The following PON2 variants were observed in gnomAD, a reference collection of about 807,000 sequenced individuals.
PON2 encodes the protein serum paraoxonase/arylesterase 2.
PON2 carries 27 observed loss-of-function variants against 36.6 expected under a neutral mutation model. The ratio of observed to expected loss-of-function variants is 0.74; its 90% CI spans 0.54 to 1.02. PON2 has a LOEUF of 1.02. PON2 is among the 50% of genes least tolerant of loss of function. The pLI is 0.00. For missense variants in PON2, 363 were observed against 421.1 expected, an observed-to-expected ratio of 0.86 and a Z score of 1.21; for synonymous variants, 149 against 156.3, an observed-to-expected ratio of 0.95 and a Z score of 0.35.
At chr7:95,430,734 T>C (rs1649429424) in intron 1 of PON2, among the ~76,000 whole-genome samples, 1 of 151,736 alleles carries the variant, frequency 6.6e-6, no homozygotes, top group African/African-American at 2.4e-5. Context: ...CACTCCAGCC[T>C]GGGTGACAGA....
chr7:95,417,480 A>C (rs1397834273), intron 2 of PON2, among the ~76,000 whole-genome samples: 2 of 152,126 alleles, frequency 1.3e-5, no homozygotes, highest in African/African-American at 4.8e-5. Flanking sequence ...TGCAATGCAA[A>C]ATGTCTCATG....
intron 1 of PON2, 33 bp from the exon 2 acceptor site, chr7:95,424,618 A>G: frequency 6.4e-7 from 1 of 1,560,646 alleles, no homozygotes; most frequent in Non-Finnish European, 8.8e-7. Context: ...AAAAACAAAA[A>G]ACTATTTGTT....
rs113783479 is a variant in PON2 at position 95,419,313 on chromosome 7, T to G, written c.146-3016A>C. Among the ~76,000 whole-genome samples the G allele has an allele frequency of 2.0e-5, 3 of 151,948 alleles. No individual in the cohort carries two copies. In the East Asian group the frequency reaches 5.8e-4, roughly 29 times the overall value. ...TTTTGGTAGCCAACACTCAGGGAAG[T>G]TGGGGGGGATCTGGGGAGGGTATCC... On this transcript the variant is annotated intron_variant, in intron 2 of 8. Coordinates refer to ENST00000222572, the MANE Select transcript of PON2 (RefSeq NM_000305.3).
chr7:95,416,370 C>A (rs972212519), intron 2 of PON2, 73 bp from the exon 3 acceptor site: 2 of 1,509,640 alleles, frequency 1.3e-6, no homozygotes, highest in African/African-American at 2.8e-5. Flanking sequence ...AACTGGGACT[C>A]TGTTTACTTT....
In PON2 at chr7:95,413,293, C is replaced by T. The variant is rs1788983675; in HGVS notation, c.202-816G>A. On this transcript the variant is annotated intron_variant, in intron 3 of 8. Coordinates refer to ENST00000222572, the MANE Select transcript of PON2 (RefSeq NM_000305.3). ...ATCAGCCTGGGCAATTGAGCCAGTC[C>T]CTGCTTCTCTAATGACAGTTTTGTC... 2.0e-5 allele frequency among the ~76,000 whole-genome samples: 3 copies of T among 152,032 alleles called. No homozygotes were observed. In the South Asian group the frequency reaches 6.2e-4, roughly 32 times the overall value.
intron 2 of PON2, among the ~76,000 whole-genome samples, chr7:95,417,704 C>CAG (rs2116479350): frequency 6.8e-6 from 1 of 147,208 alleles, no homozygotes; most frequent in Admixed American, 6.8e-5. Flanking sequence ...CACACACACA[C>CAG]ACACACACAC....
chr7:95,411,147 A>G (rs1788913073), intron 5 of PON2, among the ~76,000 whole-genome samples: 1 of 152,078 alleles, frequency 6.6e-6, no homozygotes, highest in Non-Finnish European at 1.5e-5. Flanking sequence ...GTAATGACTC[A>G]CTCTCAACTT....
chr7:95,412,502 A>C, intron 3 of PON2, 25 bp from the exon 4 acceptor site: 1 of 1,608,416 alleles, frequency 6.2e-7, no homozygotes, highest in Non-Finnish European at 8.5e-7. Context: ...GAAAAATGTT[A>C]AATACAAAAG....
chr7:95,419,225 C>T (rs1434559944), intron 2 of PON2, among the ~76,000 whole-genome samples: 1 of 152,262 alleles, frequency 6.6e-6, no homozygotes, highest in East Asian at 1.9e-4. Context: ...TTTAAGTCTA[C>T]CCCGTGTCAG....
chr7:95,412,661 C>G, intron 3 of PON2, 184 bp from the exon 4 acceptor site: 1 of 633,308 alleles, frequency 1.6e-6, no homozygotes, highest in East Asian at 2.8e-5. Flanking sequence ...ATACTGAAAG[C>G]CTGAAAATAA....
intron 6 of PON2, among the ~76,000 whole-genome samples, chr7:95,408,834 C>A (rs2116455320): frequency 6.6e-6 from 1 of 152,108 alleles, no homozygotes; most frequent in Non-Finnish European, 1.5e-5. Flanking sequence ...TTCTGGAGGA[C>A]AATTTGGCAA....
chr7:95,415,675 GGGCGTGGT>G (rs1260667816), intron 3 of PON2, among the ~76,000 whole-genome samples: 1 of 152,156 alleles, frequency 6.6e-6, no homozygotes, highest in Non-Finnish European at 1.5e-5. Flanking sequence ...AGATTGCGCT[GGGCGTGGT>G]GGCTCACTCC....
At chr7:95,424,026 G>C (rs1166376945) in intron 2 of PON2, 2 of 177,476 alleles carry the variant, frequency 1.1e-5, no homozygotes, top group East Asian at 3.0e-4. Context: ...AACACGTGGG[G>C]ATTATGGGAA....
rs183163750 is a variant in PON2, at chr7:95,431,667, G to A, written c.74+3211C>T. ...ACCCCTGACCTCTAGTGATCTGCCC[G>A]CCTCAGCCTCCCAAAGTGCTGGGAT... is the stretch of plus-strand genomic sequence containing the variant. On this transcript the variant is annotated intron_variant, in intron 1 of 8. Coordinates refer to ENST00000222572, the MANE Select transcript of PON2 (RefSeq NM_000305.3). Among the ~76,000 whole-genome samples the A allele has an allele frequency of 1.1e-4, 16 of 152,016 alleles. 1 individual carries two copies. The East Asian group carries it at 2.1e-3, about 20-fold the overall frequency.
At chr7:95,423,241 G>A (rs1393979036) in intron 2 of PON2, among the ~76,000 whole-genome samples, 1 of 149,154 alleles carries the variant, frequency 6.7e-6, no homozygotes, top group Non-Finnish European at 1.5e-5. Flanking sequence ...AGGATCGCTT[G>A]AGCCCAGGAT....
chr7:95,418,337 T>C (rs1314941557), intron 2 of PON2: 1 of 152,250 alleles, frequency 6.6e-6, no homozygotes, highest in Non-Finnish European at 1.5e-5. Flanking sequence ...TTGGAGGCTT[T>C]GGAAAAGTTA....
chr7:95,410,183 T>C (rs1462032243), intron 5 of PON2, 82 bp from the exon 6 acceptor site: 1 of 1,163,918 alleles, frequency 8.6e-7, no homozygotes, highest in Non-Finnish European at 1.3e-6. Flanking sequence ...ATAAGATTTA[T>C]GCAACATGTG....
chr7:95,417,727 C>CACACACACACACACACACACA (rs1562788872), intron 2 of PON2, among the ~76,000 whole-genome samples: 2 of 80,210 alleles, frequency 2.5e-5, no homozygotes, highest in African/African-American at 1.1e-4. Context: ...ACACACACAC[C>CACACACACACACACACACACA]GAGAGAGAAT....
chr7:95,432,490 AT>A (rs1437524173), intron 1 of PON2, among the ~76,000 whole-genome samples: 1 of 152,144 alleles, frequency 6.6e-6, no homozygotes, highest in Admixed American at 6.5e-5. Context: ...AATAAGTTTT[AT>A]TTACTTTTTC....
Sources: allele counts gnomAD v4.1 joint callset (sites outside exome capture counted in the v4.1 genomes callset), GRCh38; gene constraint gnomAD v4.1.1; transcripts MANE v1.5; gene names NCBI Gene and HGNC (gene_info 2026-07-23, HGNC 2026-07-21).